The following THSD7B variants were observed in gnomAD, a reference collection of about 807,000 sequenced individuals.
THSD7B encodes thrombospondin type 1 domain containing 7B, also known as thrombospondin type-1 domain-containing protein 7B.
THSD7B carries 138 observed loss-of-function variants against 213.6 expected under a neutral mutation model. The observed-to-expected ratio is 0.65, with a 90% CI of 0.56 to 0.74. The LOEUF is 0.74. Ranked by LOEUF, THSD7B falls within the 30% of genes least tolerant of loss-of-function variation. The pLI is 0.00. For missense variants in THSD7B, 1,931 were observed against 1,991.5 expected, an observed-to-expected ratio of 0.97 and a Z score of 0.58; for synonymous variants, 742 against 687.0, an observed-to-expected ratio of 1.08 and a Z score of -1.25.
intron 1 of THSD7B, among the ~76,000 whole-genome samples, chr2:136,816,688 A>G (rs1436958537): frequency 2.6e-5 from 4 of 152,356 alleles, no homozygotes; most frequent in East Asian, 1.9e-4. Context: ...TGTAATGCCA[A>G]TGGTCCTCCA....
intron 9 of THSD7B, among the ~76,000 whole-genome samples, chr2:137,240,500 ACTCTCT>A (rs554154408): frequency 7.0e-6 from 1 of 143,236 alleles, no homozygotes; most frequent in African/African-American, 2.6e-5. Context: ...TTTTTCTCTC[ACTCTCT>A]CTCTCTCTGT....
At chr2:137,167,794 C>T (rs1680166824) in intron 6 of THSD7B, among the ~76,000 whole-genome samples, 1 of 152,136 alleles carries the variant, frequency 6.6e-6, no homozygotes, top group Non-Finnish European at 1.5e-5. Flanking sequence ...TATGGCTCTC[C>T]CCTGCTGTGC....
chr2:136,937,998 C>G (rs1684762344), intron 2 of THSD7B, among the ~76,000 whole-genome samples: 1 of 152,090 alleles, frequency 6.6e-6, no homozygotes, highest in South Asian at 2.1e-4. Context: ...TACAGGTTCA[C>G]TTAGGATAAA....
chr2:137,516,762 G>C (rs1002712003), intron 15 of THSD7B, among the ~76,000 whole-genome samples: 1 of 152,166 alleles, frequency 6.6e-6, no homozygotes, highest in South Asian at 2.1e-4. Flanking sequence ...TGACTAGTGG[G>C]GTGAGGGCAA....
At chr2:137,130,382 A>G (rs1688707264) in intron 5 of THSD7B, among the ~76,000 whole-genome samples, 1 of 151,790 alleles carries the variant, frequency 6.6e-6, no homozygotes, top group African/African-American at 2.4e-5. Flanking sequence ...CCTTTTTATT[A>G]TTATTATTAT....
rs1464224125 is a variant in THSD7B, at chr2:137,572,392, A to G, written c.3273-14A>G. 1 of 1,613,444 alleles carries G rather than the reference A, an allele frequency of 6.2e-7. No homozygotes were observed. The highest frequency in any genetic ancestry group is 8.5e-7 in the Non-Finnish European group (1 of 1,179,654). ...TTTTAAATAATCAAACTATCTTGTG[A>G]CCTTGCTTTACAGATGTGTGAATAC... On this transcript the variant is annotated splice_polypyrimidine_tract_variant and intron_variant, in intron 16 of 27. Transcript: ENST00000409968.
intron 13 of THSD7B, among the ~76,000 whole-genome samples, chr2:137,408,493 G>T (rs559530153): frequency 6.6e-6 from 1 of 152,162 alleles, no homozygotes; most frequent in Non-Finnish European, 1.5e-5. Flanking sequence ...TGGAGATACG[G>T]TGAGATTTTT....
At chr2:137,126,526 G>T (rs1055953982) in intron 5 of THSD7B, among the ~76,000 whole-genome samples, 2 of 151,242 alleles carry the variant, frequency 1.3e-5, no homozygotes, top group Non-Finnish European at 2.9e-5. Flanking sequence ...CCTTGCTCTG[G>T]ATTAGGCTTT....
intron 2 of THSD7B, among the ~76,000 whole-genome samples, chr2:136,958,011 T>C (rs1685156074): frequency 6.6e-6 from 1 of 152,240 alleles, no homozygotes; most frequent in African/African-American, 2.4e-5. Context: ...TATAATGGTA[T>C]ACACTGGTAA....
chr2:137,662,919 G>A (rs1301680366), intron 25 of THSD7B, among the ~76,000 whole-genome samples: 1 of 152,016 alleles, frequency 6.6e-6, no homozygotes, highest in Non-Finnish European at 1.5e-5. Context: ...GACAAAATTA[G>A]CCAGGTGTGA....
chr2:136,875,408 C>T (rs1015268158), intron 1 of THSD7B, among the ~76,000 whole-genome samples: 1 of 152,086 alleles, frequency 6.6e-6, no homozygotes, highest in African/African-American at 2.4e-5. Flanking sequence ...AGTGACAGAG[C>T]GAGACTGTCA....
intron 14 of THSD7B, among the ~76,000 whole-genome samples, chr2:137,415,695 A>G (rs1487220264): frequency 7.0e-6 from 1 of 142,202 alleles, no homozygotes; most frequent in Non-Finnish European, 1.5e-5. Context: ...TTTTTCAAAG[A>G]ACAGGACAAA....
rs529088278 is a variant in THSD7B at position 137,528,792 on chromosome 2, C to T, written c.3139-34429C>T. Among the ~76,000 whole-genome samples the T allele has an allele frequency of 3.9e-5, 6 of 152,138 alleles. No homozygotes were observed. In the East Asian group the frequency reaches 7.8e-4, roughly 20 times the overall value. On this transcript the variant is annotated intron_variant, in intron 15 of 27. Transcript: ENST00000409968. ...CCAAGACTCCATTGTATATTTACTG[C>T]GTTAGCCTCAGTAGGAGCTTCTGAC...
At chr2:136,786,391 A>G (rs1305955793) in intron 1 of THSD7B, among the ~76,000 whole-genome samples, 1 of 151,930 alleles carries the variant, frequency 6.6e-6, no homozygotes, top group Non-Finnish European at 1.5e-5. Context: ...AGGACCATGT[A>G]TTGTTTCTGC....
chr2:137,227,393 G>A (rs1183617158), intron 7 of THSD7B, among the ~76,000 whole-genome samples: 1 of 152,148 alleles, frequency 6.6e-6, no homozygotes, highest in African/African-American at 2.4e-5. Flanking sequence ...CTTTTTGAAA[G>A]ATGAATTCAA....
chr2:137,075,636 C>T (rs928178147), intron 3 of THSD7B, among the ~76,000 whole-genome samples: 8 of 152,322 alleles, frequency 5.3e-5, no homozygotes, highest in East Asian at 1.9e-4. Flanking sequence ...TGAGGAGCTG[C>T]GTTCCTTTGG....
chr2:136,832,201 G>GTGTGTGTATA (rs66731773), intron 1 of THSD7B, among the ~76,000 whole-genome samples: 1 of 146,406 alleles, frequency 6.8e-6, no homozygotes, highest in Non-Finnish European at 1.5e-5. Context: ...GTGTGTGTGT[G>GTGTGTGTATA]TATACACACA....
chr2:137,568,021 T>C lies in THSD7B; in HGVS notation c.3273-4385T>C, dbSNP rs569454739. Reference sequence around the variant, plus strand: ...AAGGAAAACAAAGAAAATGAGAAGATGGACAAGTGAGTTACTCAAGAAGAC... The same window carrying C: ...AAGGAAAACAAAGAAAATGAGAAGACGGACAAGTGAGTTACTCAAGAAGAC... On this transcript the variant is annotated intron_variant, in intron 16 of 27. Transcript: ENST00000409968. Among the ~76,000 whole-genome samples, 3 of 152,220 alleles carry C rather than the reference T, an allele frequency of 2.0e-5. No individual in the cohort carries two copies. The East Asian group carries it at 5.8e-4, about 29-fold the overall frequency.
At chr2:137,094,730 GAT>G in intron 3 of THSD7B, 141 bp from the exon 4 acceptor site, 2 of 968,746 alleles carry the variant, frequency 2.1e-6, no homozygotes, top group Non-Finnish European at 3.0e-6. Context: ...ATTTTTTCAT[GAT>G]GTCTCTAAAA....
Sources: allele counts gnomAD v4.1 joint callset (sites outside exome capture counted in the v4.1 genomes callset), GRCh38; gene constraint gnomAD v4.1.1; transcripts MANE v1.5; gene names NCBI Gene and HGNC (gene_info 2026-07-23, HGNC 2026-07-21).